The following STAMBP variants were observed in gnomAD, a reference collection of about 807,000 sequenced individuals.
STAMBP encodes the protein STAM-binding protein.
Under a neutral mutation model 50.7 loss-of-function variants are expected in STAMBP, and 31 were observed. The ratio of observed to expected loss-of-function variants is 0.61; its 90% CI spans 0.46 to 0.83. The LOEUF (loss-of-function observed/expected upper bound fraction) is 0.83, where lower values mean the gene tolerates loss of function less well. Among genes scored for constraint, STAMBP ranks in the 40% least tolerant of loss-of-function variants. The probability of loss-of-function intolerance (pLI) is 0.00; values close to 1 mark genes in which losing one functional copy is unlikely to be tolerated. For missense variants in STAMBP, 472 were observed against 518.9 expected (o/e 0.91, Z 0.88); for synonymous variants, 211 against 192.4 (o/e 1.10, Z -0.80).
Position 73,849,364 on chromosome 2 carries a change from T to C in STAMBP, c.744T>C (p.Ile248=). The change falls in exon 6 of 10, where the codon ATT becomes ATC. Residue 248 remains isoleucine (I), a splice_region_variant and synonymous_variant. Transcript: ENST00000394070. Reference sequence around the variant, plus strand: ...ACTATTCTCCTTTCTCCTTTACAGTTCCCACAATCGATGGATTGCGCCATG... The same window carrying C: ...ACTATTCTCCTTTCTCCTTTACAGTCCCCACAATCGATGGATTGCGCCATG... The part of the protein sequence containing the change: ...KPGALSNSES[I]PTIDGLRHVV... 1 of 1,613,976 alleles carries C rather than the reference T, an allele frequency of 6.2e-7. No individual in the cohort carries two copies. Among genetic ancestry groups the C allele is most frequent in the Non-Finnish European group, 8.5e-7 (1 of 1,179,992 alleles).
chr2:73,833,463 CTATT>C (rs1262719684), intron 2 of STAMBP, among the ~76,000 whole-genome samples: 4 of 152,136 alleles, frequency 2.6e-5, no homozygotes, highest in Admixed American at 2.6e-4. Flanking sequence ...CCTAGGCACA[CTATT>C]TATTTTCCTG....
In STAMBP at chr2:73,836,027, C is replaced by T. The variant is rs549155866; in HGVS notation, c.203+4968C>T. ...TGTAGAAATTAATTTTATTCTTATT[C>T]AGACTATTTTCAAAAGAAGCAGTGG... is the stretch of plus-strand genomic sequence containing the variant. On this transcript the variant is annotated intron_variant, in intron 2 of 9. Coordinates refer to ENST00000394070, the MANE Select transcript of STAMBP (RefSeq NM_213622.4). Among the ~76,000 whole-genome samples, 5 of 151,162 alleles carry T rather than the reference C, an allele frequency of 3.3e-5. No homozygotes were observed. The East Asian group carries it at 5.8e-4, about 18-fold the overall frequency.
intron 2 of STAMBP, among the ~76,000 whole-genome samples, chr2:73,836,514 G>A (rs1311912848): frequency 2.6e-5 from 4 of 152,250 alleles, no homozygotes; most frequent in African/African-American, 9.6e-5. Flanking sequence ...TATGTGAGGG[G>A]TGGAGGAGGG....
intron 7 of STAMBP, among the ~76,000 whole-genome samples, chr2:73,854,010 G>A (rs1445226662): frequency 6.6e-6 from 1 of 152,174 alleles, no homozygotes; most frequent in South Asian, 2.1e-4. Flanking sequence ...CCACATTCTT[G>A]TGTGTAGTTT....
intron 8 of STAMBP, 40 bp downstream of exon 8, chr2:73,859,406 T>G: frequency 6.6e-7 from 1 of 1,521,390 alleles, no homozygotes; most frequent in Non-Finnish European, 9.1e-7. Flanking sequence ...TTCAAGGGGG[T>G]AGTAGGGAAG....
At position 73,859,353 on chromosome 2, in the gene STAMBP, C is replaced by T. The variant is rs761073632; in HGVS notation, c.1105C>T (p.Pro369Ser). The part of the protein sequence containing the change: ...LPESVAIVCS[P>S]KFQETGFFKL... ...AGAGTCAGTAGCCATTGTTTGCTCC[C>T]CCAAGTTCCAGGAGTGAGTATAGAG... The change falls in exon 8 of 10, where the codon CCC becomes TCC. Residue 369 changes from proline (P) to serine (S), a missense_variant. By Grantham distance (74) the Pro-to-Ser change is moderately conservative. Coordinates refer to ENST00000394070, the MANE Select transcript of STAMBP (RefSeq NM_213622.4). 1.1e-5 allele frequency: 17 copies of T among 1,613,880 alleles called. No homozygotes were observed. In the East Asian group the frequency reaches 1.6e-4, roughly 15 times the overall value.
intron 5 of STAMBP, among the ~76,000 whole-genome samples, chr2:73,848,773 G>C (rs993107681): frequency 2.0e-5 from 3 of 152,162 alleles, no homozygotes; most frequent in Non-Finnish European, 4.4e-5. Context: ...TGAACTTTGG[G>C]AGACACAGTC....
Position 73,853,445 on chromosome 2 carries a change from C to T in STAMBP, c.1005+2932C>T, listed in dbSNP as rs575167240. Among the ~76,000 whole-genome samples, 3 of 152,268 alleles carry T rather than the reference C, an allele frequency of 2.0e-5. No individual in the cohort carries two copies. The South Asian group carries it at 6.2e-4, about 32-fold the overall frequency. ...CAGAAACTAAATATATACTTTAGGC[C>T]GGGTGCGGTGGCTCAAGCCTGTAAT... is the stretch of plus-strand genomic sequence containing the variant. On this transcript the variant is annotated intron_variant, in intron 7 of 9. Coordinates refer to ENST00000394070, the MANE Select transcript of STAMBP (RefSeq NM_213622.4).
intron 4 of STAMBP, among the ~76,000 whole-genome samples, chr2:73,845,471 G>A (rs927322598): frequency 3.3e-5 from 5 of 152,182 alleles, no homozygotes; most frequent in Admixed American, 3.3e-4. Context: ...AGAGTGACTT[G>A]AGGGACAGAA....
chr2:73,868,402 G>C (rs1250332697), downstream of STAMBP, among the ~76,000 whole-genome samples: 1 of 151,988 alleles, frequency 6.6e-6, no homozygotes, highest in African/African-American at 2.4e-5. Flanking sequence ...CTGACTCTGA[G>C]AGCCCTGAGG....
intron 5 of STAMBP, 41 bp downstream of exon 5, chr2:73,847,794 G>A: frequency 1.3e-6 from 2 of 1,584,118 alleles, no homozygotes; most frequent in Non-Finnish European, 1.7e-6. Context: ...CTCAGTTGCA[G>A]CCAAACAGTA....
chr2:73,845,953 A>T (rs1247926292), intron 4 of STAMBP, among the ~76,000 whole-genome samples: 1 of 152,184 alleles, frequency 6.6e-6, no homozygotes, highest in Non-Finnish European at 1.5e-5. Flanking sequence ...TTTTCAAATG[A>T]TTCTTTTTAG....
intron 2 of STAMBP, among the ~76,000 whole-genome samples, chr2:73,836,373 G>C (rs896246939): frequency 6.6e-6 from 1 of 152,236 alleles, no homozygotes; most frequent in Admixed American, 6.5e-5. Context: ...AGCATCTGGA[G>C]GCTCCCGGCA....
downstream of STAMBP, chr2:73,867,186 C>G (rs916029529): frequency 6.6e-6 from 1 of 152,164 alleles, no homozygotes; most frequent in Non-Finnish European, 1.5e-5. Flanking sequence ...TAAGGCTTTG[C>G]TTTTTTGGGA....
At chr2:73,847,892 T>A in intron 5 of STAMBP, 139 bp downstream of exon 5, 1 of 1,144,220 alleles carries the variant, frequency 8.7e-7, no homozygotes, top group Non-Finnish European at 1.2e-6. Context: ...AGTATTGCTG[T>A]ACTGTGTCCT....
intron 2 of STAMBP, among the ~76,000 whole-genome samples, chr2:73,833,694 G>A (rs1168462687): frequency 6.6e-6 from 1 of 152,142 alleles, no homozygotes; most frequent in African/African-American, 2.4e-5. Context: ...ACAATAGAAA[G>A]GGCTTTCAGG....
chr2:73,843,112 C>A (rs1383460334), intron 2 of STAMBP, among the ~76,000 whole-genome samples: 1 of 150,730 alleles, frequency 6.6e-6, no homozygotes, highest in Non-Finnish European at 1.5e-5. Context: ...TTAATAGATT[C>A]TTCAGGACTT....
At chr2:73,838,959 C>T (rs1329018935) in intron 2 of STAMBP, among the ~76,000 whole-genome samples, 1 of 152,202 alleles carries the variant, frequency 6.6e-6, no homozygotes, top group Non-Finnish European at 1.5e-5. Context: ...GATTCTCAGT[C>T]TGTTTTCTGT....
Position 73,872,683 on chromosome 2 carries a change from ATTTC to A in STAMBP, c.*46-667_*46-664del, listed in dbSNP as rs1465162308. Among the ~76,000 whole-genome samples, 3 of 152,344 alleles carry A rather than the reference ATTTC, an allele frequency of 2.0e-5. No individual in the cohort carries two copies. In the East Asian group the frequency reaches 5.8e-4, roughly 29 times the overall value. ...GGGAGAAATGAATGTTCTCATTTTA[ATTTC>A]TGTATCTTCCACTTTTATTCAACAA... On this transcript the variant is annotated intron_variant, in intron 10 of 10. Transcript: ENST00000409707.
Sources: allele counts gnomAD v4.1 joint callset (sites outside exome capture counted in the v4.1 genomes callset), GRCh38; gene constraint gnomAD v4.1.1; transcripts MANE v1.5; gene names NCBI Gene and HGNC (gene_info 2026-07-23, HGNC 2026-07-21).